NDUFS5: variants seen among roughly 807,000 people sequenced by gnomAD.
NDUFS5 encodes the protein NADH dehydrogenase [ubiquinone] iron-sulfur protein 5.
A neutral mutation model predicts 10.5 loss-of-function variants in NDUFS5; 7 were observed. The ratio of observed to expected loss-of-function variants is 0.66; its 90% CI spans 0.38 to 1.25. The LOEUF (loss-of-function observed/expected upper bound fraction) is 1.25, where lower values mean the gene tolerates loss of function less well. Among genes scored for constraint, NDUFS5 ranks in the 50% most tolerant of loss-of-function variants. NDUFS5 has a pLI of 0.02. For missense variants in NDUFS5, 148 were observed against 140.7 expected (o/e 1.05, Z -0.26); for synonymous variants, 38 against 44.0 (o/e 0.86, Z 0.54).
intron 1 of NDUFS5, among the ~76,000 whole-genome samples, 190 bp downstream of exon 1, chr1:39,026,592 C>T (rs371944095): frequency 8.5e-5 from 13 of 152,314 alleles, no homozygotes; most frequent in African/African-American, 3.1e-4. Context: ...TTGCCGCTCT[C>T]TCCACTTTCC....
chr1:39,031,470 G>A (rs1200479432), intron 2 of NDUFS5, among the ~76,000 whole-genome samples: 8 of 151,978 alleles, frequency 5.3e-5, no homozygotes, highest in African/African-American at 7.2e-5. Flanking sequence ...CACCATGTGC[G>A]GCTTTTTAAA....
intron 2 of NDUFS5, 99 bp from the exon 3 acceptor site, chr1:39,034,293 T>A (rs930843888): frequency 1.6e-5 from 18 of 1,096,694 alleles, no homozygotes; most frequent in South Asian, 1.4e-4. Context: ...AAAGGCCTTT[T>A]GTAGTTTAAA....
In NDUFS5 at chr1:39,027,338, C is replaced by T. The variant is rs185662797; in HGVS notation, c.-3+936C>T. ...CCGCCCGCCTCGGCCTCCCAAGGTG[C>T]TGGAATTACAGGCGTGAGCCACTGC... On this transcript the variant is annotated intron_variant, in intron 1 of 2. Transcript: ENST00000372969. Among the ~76,000 whole-genome samples, 235 of 152,262 alleles carry T rather than the reference C, an allele frequency of 1.5e-3. 2 individuals carry two copies. Among genetic ancestry groups the T allele is most frequent in the African/African-American group, 5.5e-3 (230 of 41,534 alleles).
intron 2 of NDUFS5, among the ~76,000 whole-genome samples, chr1:39,030,898 G>A (rs970022892): frequency 1.3e-5 from 2 of 151,994 alleles, no homozygotes; most frequent in Admixed American, 6.6e-5. Context: ...TTGAGACAGC[G>A]TCTCACTCCC....
chr1:39,028,751 G>A lies in NDUFS5; in HGVS notation c.27G>A (p.Arg9=), dbSNP rs1479420380. The A allele has an allele frequency of 6.2e-7, 1 of 1,614,012 alleles. No homozygotes were observed. Among genetic ancestry groups the A allele is most frequent in the Non-Finnish European group, 8.5e-7 (1 of 1,180,008 alleles). The change falls in exon 2 of 3, where the codon AGG becomes AGA. Residue 9 remains arginine, a synonymous_variant. Transcript: ENST00000372969. Reference sequence around the variant, plus strand: ...TGCCTTTCTTGGACATCCAGAAAAGGTTCGGCCTTAACATAGATCGATGGT... The same window carrying A: ...TGCCTTTCTTGGACATCCAGAAAAGATTCGGCCTTAACATAGATCGATGGT... MPFLDIQK[R]FGLNIDRWLT... is the part of the protein sequence containing the mutation.
At chr1:39,030,914 C>T (rs942725129) in intron 2 of NDUFS5, among the ~76,000 whole-genome samples, 1 of 151,944 alleles carries the variant, frequency 6.6e-6, no homozygotes, top group African/African-American at 2.4e-5. Flanking sequence ...CTCCCGTCGC[C>T]CAGGCTGGAG....
At chr1:39,027,581 G>T (rs1366850432) in intron 1 of NDUFS5, among the ~76,000 whole-genome samples, 10 of 91,152 alleles carry the variant, frequency 1.1e-4, no homozygotes, top group South Asian at 3.2e-4. Flanking sequence ...TTTCGCTCTG[G>T]TTTTTTTTTT....
chr1:39,028,326 G>A lies in NDUFS5; in HGVS notation c.-2-397G>A, dbSNP rs184034712. Among the ~76,000 whole-genome samples the A allele has an allele frequency of 6.8e-3, 1,029 of 151,974 alleles. 7 individuals carry two copies. The highest frequency in any genetic ancestry group is 0.012 in the Non-Finnish European group (792 of 67,972). Reference sequence around the variant, plus strand: ...GCGCACCTGTAGTCCCAGCTACTTGGGAGGCTGAGGCAGGAGAATCGCTTG... The same window carrying A: ...GCGCACCTGTAGTCCCAGCTACTTGAGAGGCTGAGGCAGGAGAATCGCTTG... On this transcript the variant is annotated intron_variant, in intron 1 of 2. Coordinates refer to ENST00000372969, the MANE Select transcript of NDUFS5 (RefSeq NM_004552.3).
chr1:39,028,042 A>G (rs1644164255), intron 1 of NDUFS5, among the ~76,000 whole-genome samples: 1 of 140,970 alleles, frequency 7.1e-6, no homozygotes. Context: ...CTGGTCTTGA[A>G]CTCCTGACCT....
At chr1:39,032,296 T>A (rs1644195013) in intron 2 of NDUFS5, among the ~76,000 whole-genome samples, 1 of 152,252 alleles carries the variant, frequency 6.6e-6, no homozygotes, top group African/African-American at 2.4e-5. Context: ...CCTATGCTTT[T>A]ATCCAGAGTT....
At chr1:39,030,416 A>AAAAAGAAAAT (rs1644182207) in intron 2 of NDUFS5, among the ~76,000 whole-genome samples, 1 of 147,922 alleles carries the variant, frequency 6.8e-6, no homozygotes, top group African/African-American at 2.5e-5. Context: ...AGAAAAAAAA[A>AAAAAGAAAAT]AAAAAGATGG....
At chr1:39,026,903 T>G (rs939069573) in intron 1 of NDUFS5, among the ~76,000 whole-genome samples, 5 of 152,222 alleles carry the variant, frequency 3.3e-5, no homozygotes, top group Non-Finnish European at 5.9e-5. Flanking sequence ...GAGTTCGTGC[T>G]TCCTCCTTCG....
intron 1 of NDUFS5, among the ~76,000 whole-genome samples, chr1:39,026,840 T>G (rs950883798): frequency 3.3e-5 from 5 of 152,216 alleles, no homozygotes; most frequent in Admixed American, 6.5e-5. Context: ...CCCACTGATC[T>G]TCACTTGGCG....
intron 2 of NDUFS5, among the ~76,000 whole-genome samples, chr1:39,033,301 C>T (rs1475667472): frequency 8.6e-5 from 13 of 151,894 alleles, no homozygotes; most frequent in African/African-American, 2.4e-4. Flanking sequence ...TTGCCGGGTG[C>T]GGTGGCTCAC....
rs541997196 is a variant in NDUFS5 at position 39,028,914 on chromosome 1, G to A, written c.190G>A (p.Val64Ile). 49 of 1,613,810 alleles carry A rather than the reference G, an allele frequency of 3.0e-5. No individual in the cohort carries two copies. The highest frequency in any genetic ancestry group is 2.5e-4 in the African/African-American group (19 of 74,982). Residue 64 changes from valine to isoleucine, a missense_variant, in exon 2 of 3, where the codon GTA becomes ATA. By Grantham distance (29) the Val-to-Ile change is conservative. Coordinates refer to ENST00000372969, the MANE Select transcript of NDUFS5 (RefSeq NM_004552.3). ...GTGCAAGATAGAATATGATGATTTC[G>A]TAGAGTGTTTGCTTCGGCAGAAAAC... ...KECKIEYDDF[V>I]ECLLRQKTMR...
Position 39,034,506 on chromosome 1 carries a change from C to T in NDUFS5, c.*10C>T. 1 of 1,610,006 alleles carries T rather than the reference C, an allele frequency of 6.2e-7. No homozygotes were observed. The highest frequency in any genetic ancestry group is 1.1e-5 in the South Asian group (1 of 90,980). On this transcript the variant is annotated 3_prime_UTR_variant, in exon 3 of 3. Transcript: ENST00000372969. ...GGAGCCTCGGCCCTGAACAGAGCAG[C>T]TGCTGATGTCTGGAGGCTGATTTTC...
intron 2 of NDUFS5, among the ~76,000 whole-genome samples, chr1:39,031,776 G>A (rs1249489444): frequency 2.6e-5 from 4 of 152,196 alleles, no homozygotes; most frequent in Non-Finnish European, 5.9e-5. Flanking sequence ...CTCCCTGTAA[G>A]TGAAGAAGCT....
chr1:39,033,198 A>T (rs1644202039), intron 2 of NDUFS5, among the ~76,000 whole-genome samples: 1 of 152,076 alleles, frequency 6.6e-6, no homozygotes, highest in African/African-American at 2.4e-5. Flanking sequence ...CCATATGGGG[A>T]AAAGAGAACT....
chr1:39,033,657 A>G (rs1336045752), intron 2 of NDUFS5, among the ~76,000 whole-genome samples: 1 of 150,156 alleles, frequency 6.7e-6, no homozygotes, highest in Non-Finnish European at 1.5e-5. Flanking sequence ...GCGCGCCACC[A>G]CGCCTGGCTA....
Sources: allele counts gnomAD v4.1 joint callset (sites outside exome capture counted in the v4.1 genomes callset), GRCh38; gene constraint gnomAD v4.1.1; transcripts MANE v1.5; gene names NCBI Gene and HGNC (gene_info 2026-07-23, HGNC 2026-07-21).